Variants in CELF2 observed in about 807,000 individuals in gnomAD.
CELF2 encodes the protein CUG triplet repeat RNA-binding protein 2.
A neutral mutation model predicts 62.6 loss-of-function variants in CELF2; 8 were observed. That is an observed-to-expected ratio of 0.13 (90% CI 0.07 to 0.23). The LOEUF (loss-of-function observed/expected upper bound fraction) is 0.23, where lower values mean the gene tolerates loss of function less well. Ranked by LOEUF, CELF2 falls within the 10% of genes least tolerant of loss-of-function variation. The probability of loss-of-function intolerance (pLI) is 1.00; values close to 1 mark genes in which losing one functional copy is unlikely to be tolerated. For missense variants in CELF2, 333 were observed against 671.0 expected, an observed-to-expected ratio of 0.50 and a Z score of 5.56; for synonymous variants, 258 against 250.0, an observed-to-expected ratio of 1.03 and a Z score of -0.30.
intron 4 of CELF2, among the ~76,000 whole-genome samples, chr10:11,249,972 C>T (rs2076663538): frequency 6.6e-6 from 1 of 152,342 alleles, no homozygotes; most frequent in South Asian, 2.1e-4. Context: ...ATAATCAGTA[C>T]TGTTTCCTTC....
At chr10:11,245,897 G>C (rs759486023) in intron 3 of CELF2, among the ~76,000 whole-genome samples, 56 of 152,320 alleles carry the variant, frequency 3.7e-4, no homozygotes, top group Non-Finnish European at 6.3e-4. Flanking sequence ...GAAGCAGTGT[G>C]GTTTAGGGGA....
At chr10:10,521,528 T>C in the CELF2 span, among the ~76,000 whole-genome samples, 1 of 152,204 alleles carries the variant, frequency 6.6e-6, no homozygotes, top group Non-Finnish European at 1.5e-5. Context: ...CTAAGTACTT[T>C]TAATGCATTT....
chr10:11,131,053 A>G (rs2059548129), intron 1 of CELF2, among the ~76,000 whole-genome samples: 1 of 152,252 alleles, frequency 6.6e-6, no homozygotes, highest in African/African-American at 2.4e-5. Flanking sequence ...CTTGTAAAAT[A>G]AATTTGAATC....
In CELF2 at chr10:11,331,506, A is replaced by G. The variant is rs1278054737; in HGVS notation, c.*2453A>G. Reference sequence around the variant, plus strand: ...GTGAAAATATATAGTGCCAAATTCCAAAGGTACTTCCTTCCTAGAGCTTCA... The same window carrying G: ...GTGAAAATATATAGTGCCAAATTCCGAAGGTACTTCCTTCCTAGAGCTTCA... On this transcript the variant is annotated 3_prime_UTR_variant, in exon 13 of 13. Transcript: ENST00000633077. 6.6e-6 allele frequency: 1 copy of G among 152,094 alleles called. No homozygotes were observed. The highest frequency in any genetic ancestry group is 1.5e-5 in the Non-Finnish European group (1 of 67,938). The allele number at this position is 152,094 out of a possible 1,614,324, so 9.4% of individuals were successfully genotyped here.
rs1352203033 is a variant in CELF2 at position 10,938,788 on chromosome 10, C to T, written c.89+18789C>T. On this transcript the variant is annotated intron_variant, in intron 2 of 13. Transcript: ENST00000636488. This position sits in a 1 kb window ranked among gnomAD's most constrained non-coding sequence, Gnocchi z 4.2. ...TAGGTGGGTTAGTGCCTGGACAACT[C>T]AGGCTCGAGCCCGCTGGGGACCCCG... 6.6e-6 allele frequency among the ~76,000 whole-genome samples: 1 copy of T among 152,170 alleles called. No homozygotes were observed. The highest frequency in any genetic ancestry group is 1.5e-5 in the Non-Finnish European group (1 of 68,008).
At chr10:11,287,959 T>A (rs2091746835) in intron 8 of CELF2, among the ~76,000 whole-genome samples, 4 of 152,240 alleles carry the variant, frequency 2.6e-5, no homozygotes, top group Admixed American at 2.6e-4. Context: ...GGGACTGAGT[T>A]TACCTTGAAG....
At position 11,122,014 on chromosome 10, in the gene CELF2, T is replaced by G. The variant is rs954758339; in HGVS notation, c.75-43472T>G. ...CATGATGGCAGATTATGAGTTCATC[T>G]TAAAGAATCTGGAACGCTCCACACC... On this transcript the variant is annotated intron_variant, in intron 1 of 12. Transcript: ENST00000633077. 2.6e-5 allele frequency among the ~76,000 whole-genome samples: 4 copies of G among 152,358 alleles called. No individual in the cohort carries two copies. The South Asian group carries it at 6.2e-4, about 24-fold the overall frequency.
At chr10:10,691,940 T>C in the CELF2 span, among the ~76,000 whole-genome samples, 1 of 151,738 alleles carries the variant, frequency 6.6e-6, no homozygotes, top group Non-Finnish European at 1.5e-5. Context: ...GCGAAAATTT[T>C]CTCCCATTTT....
chr10:10,837,141 T>A (rs1327902737), intron 1 of CELF2, among the ~76,000 whole-genome samples: 1 of 152,208 alleles, frequency 6.6e-6, no homozygotes, highest in Non-Finnish European at 1.5e-5. Context: ...TCATTTTGAA[T>A]TATAGCTCCC....
the CELF2 span, among the ~76,000 whole-genome samples, chr10:10,787,410 G>C: frequency 6.6e-6 from 1 of 151,998 alleles, no homozygotes; most frequent in Non-Finnish European, 1.5e-5. Context: ...AACATACTTA[G>C]AGTAAAACAG....
At chr10:11,197,016 GAAAGAAAGAAA>G (rs1565229969) in intron 2 of CELF2, among the ~76,000 whole-genome samples, 539 of 12,160 alleles carry the variant, frequency 0.044, 132 homozygotes, top group Middle Eastern at 0.088. Flanking sequence ...AAGAAAGAAA[GAAAGAAAGAAA>G]AGAAAGAAAG....
intron 3 of CELF2, among the ~76,000 whole-genome samples, chr10:11,233,038 G>A (rs1565452883): frequency 6.6e-6 from 1 of 152,156 alleles, no homozygotes; most frequent in Non-Finnish European, 1.5e-5. Context: ...TTGTAATGTG[G>A]CTATTAAACA....
At chr10:11,289,552 A>T (rs189018143) in intron 9 of CELF2, among the ~76,000 whole-genome samples, 1 of 152,186 alleles carries the variant, frequency 6.6e-6, no homozygotes, top group African/African-American at 2.4e-5. Context: ...TATCTAAGAC[A>T]TTTCACCTGG....
chr10:11,256,204 C>T (rs1348588474), intron 4 of CELF2, among the ~76,000 whole-genome samples: 3 of 152,192 alleles, frequency 2.0e-5, no homozygotes, highest in South Asian at 4.1e-4. Flanking sequence ...AGCACTTCCT[C>T]AATCACACCA....
At chr10:10,553,497 A>G in the CELF2 span, among the ~76,000 whole-genome samples, 1 of 152,110 alleles carries the variant, frequency 6.6e-6, no homozygotes, top group African/African-American at 2.4e-5. Flanking sequence ...GGGTTTTAAC[A>G]TATCTATTTG....
chr10:11,111,535 A>G (rs911818468), intron 1 of CELF2, among the ~76,000 whole-genome samples: 2 of 152,352 alleles, frequency 1.3e-5, no homozygotes, highest in Non-Finnish European at 2.9e-5. Flanking sequence ...TCAGTCACAA[A>G]GAGGATTTAT....
At chr10:11,327,291 C>G (rs1226545424) in intron 12 of CELF2, among the ~76,000 whole-genome samples, 1 of 152,130 alleles carries the variant, frequency 6.6e-6, no homozygotes, top group Non-Finnish European at 1.5e-5. Context: ...TTTTTCGTAG[C>G]TAAACAATAT....
At chr10:10,740,462 T>C in the CELF2 span, among the ~76,000 whole-genome samples, 1 of 151,884 alleles carries the variant, frequency 6.6e-6, no homozygotes, top group African/African-American at 2.4e-5. Context: ...TTGGTAGGAG[T>C]GTAAATTGGT....
chr10:11,023,231 C>CAAGT (rs1441870796), intron 1 of CELF2, among the ~76,000 whole-genome samples: 1 of 152,224 alleles, frequency 6.6e-6, no homozygotes, highest in Non-Finnish European at 1.5e-5. Context: ...TTAGCACCTA[C>CAAGT]AAGTTCTCAT....
Sources: gnomAD v4.1 joint callset for allele counts (sites outside exome capture counted in the v4.1 genomes callset) on GRCh38, gnomAD v4.1.1 for gene constraint, Gnocchi (gnomAD v3.1) non-coding constraint, MANE v1.5 for transcripts, NCBI Gene and HGNC (gene_info 2026-07-23, HGNC 2026-07-21) for gene names.